DMXL2: variants seen among roughly 807,000 people sequenced by gnomAD.
DMXL2 encodes dmX-like protein 2.
A neutral mutation model predicts 331.1 loss-of-function variants in DMXL2; 103 were observed. The observed-to-expected ratio is 0.31, with a 90% confidence interval of 0.27 to 0.37. The LOEUF (loss-of-function observed/expected upper bound fraction) is 0.37. Ranked by LOEUF, DMXL2 falls within the 10% of genes least tolerant of loss-of-function variation. The pLI, the probability that DMXL2 is intolerant of heterozygous loss-of-function variation, is 1.00. For synonymous variants in DMXL2, 1,281 were observed against 1,252.1 expected (o/e 1.02, Z -0.49); for missense variants, 3,171 against 3,642.9 (o/e 0.87, Z 3.33).
intron 1 of DMXL2, among the ~76,000 whole-genome samples, chr15:51,594,525 A>T (rs1192195509): frequency 6.6e-6 from 1 of 152,214 alleles, no homozygotes; most frequent in Non-Finnish European, 1.5e-5. Context: ...AACTATTCCA[A>T]TCAAAAGAAA....
At chr15:51,455,616 C>G (rs1460648463) in intron 39 of DMXL2, among the ~76,000 whole-genome samples, 1 of 152,140 alleles carries the variant, frequency 6.6e-6, no homozygotes, top group Non-Finnish European at 1.5e-5. Flanking sequence ...GTCTCAAATG[C>G]TGGAGTTCAA....
chr15:51,471,972 C>A (rs549017112), intron 28 of DMXL2, among the ~76,000 whole-genome samples: 17 of 152,266 alleles, frequency 1.1e-4, no homozygotes, highest in South Asian at 2.1e-4. Context: ...GCAATTCTCA[C>A]TAACACCTCT....
chr15:51,563,321 T>C, intron 6 of DMXL2, 60 bp downstream of exon 6: 5 of 1,339,892 alleles, frequency 3.7e-6, no homozygotes, highest in Non-Finnish European at 4.1e-6. Context: ...TAAAAATAAA[T>C]AAGGAACATT....
chr15:51,499,791 G>A lies in DMXL2; in HGVS notation c.3433C>T (p.Leu1145=), dbSNP rs1280572467. 3 of 1,614,014 alleles carry A rather than the reference G, an allele frequency of 1.9e-6. No individual in the cohort carries two copies. The highest frequency in any genetic ancestry group is 2.2e-5 in the East Asian group (1 of 44,894). Residue 1145 remains leucine, a synonymous_variant, in exon 18 of 44, where the codon CTG becomes TTG. Coordinates refer to ENST00000560891, the MANE Select transcript of DMXL2 (RefSeq NM_001378457.1). ...LDSRVSVDSN[L]FVYSKSDALL... ...GCATCTGACTTGCTATACACAAACA[G>A]ATTACTGTCGACGCTGACCCTTGAA...
At chr15:51,511,029 T>C (rs2046725064) in intron 15 of DMXL2, among the ~76,000 whole-genome samples, 1 of 152,274 alleles carries the variant, frequency 6.6e-6, no homozygotes, top group Middle Eastern at 3.4e-3. Flanking sequence ...TTACACTTCA[T>C]ACAAAAATTA....
At chr15:51,480,357 A>C (rs1438124488) in intron 24 of DMXL2, among the ~76,000 whole-genome samples, 185 bp downstream of exon 24, 1 of 152,158 alleles carries the variant, frequency 6.6e-6, no homozygotes, top group East Asian at 1.9e-4. Flanking sequence ...TGTTAAGCCT[A>C]CTCCTTATTA....
At position 51,478,011 on chromosome 15, in the gene DMXL2, C is replaced by T. The variant is rs575592442; in HGVS notation, c.6833+260G>A. On this transcript the variant is annotated intron_variant, in intron 26 of 43. Transcript: ENST00000560891. ...ATTATAAGTTATTATGGACAGTAAA[C>T]TCTTCTTTCTTAAAAACAAAAAGGA... 2.0e-5 allele frequency among the ~76,000 whole-genome samples: 3 copies of T among 152,084 alleles called. No homozygotes were observed. In the East Asian group the frequency reaches 5.8e-4, roughly 29 times the overall value.
chr15:51,547,857 A>T (rs1014101619), intron 6 of DMXL2, among the ~76,000 whole-genome samples: 2 of 152,158 alleles, frequency 1.3e-5, no homozygotes, highest in Admixed American at 1.3e-4. Context: ...CTATATCAAG[A>T]GTCAGCAAAT....
At position 51,448,819 on chromosome 15, in the gene DMXL2, C is replaced by T. The variant is rs2038885163; in HGVS notation, c.*165G>A. ...ATGTCAGCATAATAAGGTACATGCG[C>T]ATTCATTCCACCAACCTGTTTAGAT... On this transcript the variant is annotated 3_prime_UTR_variant, in exon 44 of 44. Coordinates refer to ENST00000560891, the MANE Select transcript of DMXL2 (RefSeq NM_001378457.1). The T allele has an allele frequency of 1.5e-6, 1 of 671,872 alleles. No individual in the cohort carries two copies. The allele number at this position is 671,872 out of a possible 1,614,324, so 41.6% of individuals were successfully genotyped here.
chr15:51,456,340 CTT>C lies in DMXL2; in HGVS notation c.8365_8366del (p.Lys2789GlufsTer24). ...VLMKRNLHNV[K>X]RMTSHPVHQY... ...GATGGACTGGGTGTGAAGTCATTCT[CTT>C]AACATTATGTAGATTCCTTTTCATA... is the stretch of plus-strand genomic sequence containing the variant. On this transcript the variant is annotated frameshift_variant, in exon 38 of 44. Transcript: ENST00000560891. LOFTEE classifies it high-confidence loss of function. 6.3e-7 allele frequency: 1 copy of C among 1,595,950 alleles called. No homozygotes were observed. The highest frequency in any genetic ancestry group is 8.5e-7 in the Non-Finnish European group (1 of 1,173,088).
intron 13 of DMXL2, among the ~76,000 whole-genome samples, chr15:51,523,780 A>G (rs2047510933): frequency 6.6e-6 from 1 of 152,244 alleles, no homozygotes; most frequent in Admixed American, 6.5e-5. Flanking sequence ...CAACACCTTG[A>G]ATTTGAACTA....
At chr15:51,620,200 T>C (rs1266867836) in intron 1 of DMXL2, among the ~76,000 whole-genome samples, 1 of 152,208 alleles carries the variant, frequency 6.6e-6, no homozygotes, top group East Asian at 1.9e-4. Context: ...AATCTGTTTT[T>C]CACAAAGCCC....
At chr15:51,523,628 G>A (rs548579895) in intron 13 of DMXL2, among the ~76,000 whole-genome samples, 10 of 152,260 alleles carry the variant, frequency 6.6e-5, no homozygotes, top group African/African-American at 1.9e-4. Context: ...AAAAGGATAC[G>A]CAGAGACACT....
At chr15:51,496,890 G>T (rs1335472798) in intron 18 of DMXL2, among the ~76,000 whole-genome samples, 1 of 152,166 alleles carries the variant, frequency 6.6e-6, no homozygotes, top group Non-Finnish European at 1.5e-5. Context: ...TAATCTCTGA[G>T]CTTCAGTTTC....
chr15:51,458,839 C>G, intron 34 of DMXL2, 44 bp from the exon 35 acceptor site: 1 of 1,514,634 alleles, frequency 6.6e-7, no homozygotes, highest in Non-Finnish European at 9.2e-7. Context: ...CAGCACAGCT[C>G]TATTTAGAGT....
intron 1 of DMXL2, among the ~76,000 whole-genome samples, chr15:51,590,927 C>G (rs2052261283): frequency 6.6e-6 from 1 of 151,908 alleles, no homozygotes; most frequent in South Asian, 2.1e-4. Flanking sequence ...TTGAGATTCT[C>G]ATTAAAAATA....
At chr15:51,466,126 T>C (rs763666837) in intron 30 of DMXL2, 58 bp downstream of exon 30, 286 of 1,252,114 alleles carry the variant, frequency 2.3e-4, no homozygotes, top group Non-Finnish European at 3.0e-4. Context: ...ATAACATTGA[T>C]ATTTTCTACA....
Position 51,536,635 on chromosome 15 carries a change from T to C in DMXL2, c.1845A>G (p.Lys615=). The C allele has an allele frequency of 6.2e-7, 1 of 1,614,106 alleles. No individual in the cohort carries two copies. The highest frequency in any genetic ancestry group is 8.5e-7 in the Non-Finnish European group (1 of 1,179,974). The change falls in exon 12 of 44, where the codon AAA becomes AAG. Residue 615 remains lysine, a synonymous_variant. Transcript: ENST00000560891. Reference sequence around the variant, plus strand: ...ACTGATTTAAAGAACCATCTATGTGTTTAGAGATCATCATTACTGTGGGAG... The same window carrying C: ...ACTGATTTAAAGAACCATCTATGTGCTTAGAGATCATCATTACTGTGGGAG... ...ILAPTVMMIS[K]HIDGSLNQWA...
Position 51,451,521 on chromosome 15 carries a change from T to C in DMXL2, c.8749+124A>G, listed in dbSNP as rs16964357. On this transcript the variant is annotated intron_variant, in intron 42 of 43. Coordinates refer to ENST00000560891, the MANE Select transcript of DMXL2 (RefSeq NM_001378457.1). ...AATTTTTAGTCATTCATTCTAAATA[T>C]TTCTCCATTTTCAACCTGTCAATAA... 0.22 allele frequency: 161,768 copies of C among 727,874 alleles called. 19,182 individuals are homozygous for C. The highest frequency in any genetic ancestry group is 0.24 in the African/African-American group (13,467 of 55,184). 45.1% of individuals were successfully genotyped at this position (727,874 alleles called of 1,614,324 possible).
Sources: gnomAD v4.1 joint callset for allele counts (sites outside exome capture counted in the v4.1 genomes callset) on GRCh38, gnomAD v4.1.1 for gene constraint, MANE v1.5 for transcripts, NCBI Gene and HGNC (gene_info 2026-07-23, HGNC 2026-07-21) for gene names.